The following AKT3 variants were observed in gnomAD, a reference collection of about 807,000 sequenced individuals.
The protein encoded by AKT3 is RAC-gamma serine/threonine-protein kinase.
A neutral mutation model predicts 65.3 loss-of-function variants in AKT3; 15 were observed. The ratio of observed to expected loss-of-function variants is 0.23; its 90% CI spans 0.15 to 0.35. The LOEUF is 0.35. Among genes scored for constraint, AKT3 ranks in the 10% least tolerant of loss-of-function variants. The probability of loss-of-function intolerance (pLI) is 1.00; values close to 1 mark genes in which losing one functional copy is unlikely to be tolerated. For synonymous variants in AKT3, 206 were observed against 183.8 expected, an observed-to-expected ratio of 1.12 and a Z score of -0.98; for missense variants, 243 against 576.5, an observed-to-expected ratio of 0.42 and a Z score of 5.92.
At chr1:243,785,626 T>G (rs1292408370) in intron 2 of AKT3, among the ~76,000 whole-genome samples, 1 of 152,200 alleles carries the variant, frequency 6.6e-6, no homozygotes, top group Non-Finnish European at 1.5e-5. Context: ...CAATCTTGGT[T>G]TCTCGTCCAT....
At chr1:243,656,835 T>C (rs1302101156) in intron 4 of AKT3, among the ~76,000 whole-genome samples, 3 of 152,186 alleles carry the variant, frequency 2.0e-5, no homozygotes, top group Non-Finnish European at 2.9e-5. Flanking sequence ...GAAAGAAAAA[T>C]GACCTTTGTC....
intron 1 of AKT3, among the ~76,000 whole-genome samples, chr1:243,849,159 T>C (rs974476485): frequency 6.6e-6 from 1 of 152,188 alleles, no homozygotes; most frequent in Non-Finnish European, 1.5e-5. Flanking sequence ...CCCACCGGCA[T>C]CATGGCTGAT....
chr1:243,541,427 C>CT (rs35766979), intron 12 of AKT3, among the ~76,000 whole-genome samples: 36 of 148,566 alleles, frequency 2.4e-4, no homozygotes, highest in Middle Eastern at 3.4e-3. Flanking sequence ...TAGGTCTTGC[C>CT]TTTTTTTTTT....
intron 2 of AKT3, chr1:243,814,574 C>G (rs1558837849): frequency 6.6e-6 from 1 of 152,112 alleles, no homozygotes; most frequent in Admixed American, 6.6e-5. Context: ...ATCCCATGAT[C>G]CTAACAATTC....
intron 2 of AKT3, among the ~76,000 whole-genome samples, chr1:243,697,189 C>T (rs1685112197): frequency 6.6e-6 from 1 of 151,854 alleles, no homozygotes; most frequent in Admixed American, 6.6e-5. Flanking sequence ...TAACAAATAA[C>T]ATATTTTTAT....
chr1:243,742,229 C>A (rs1688204643), intron 2 of AKT3, among the ~76,000 whole-genome samples: 1 of 152,224 alleles, frequency 6.6e-6, no homozygotes, highest in African/African-American at 2.4e-5. Flanking sequence ...ATATGCCTCT[C>A]TGATAGTTAC....
chr1:243,692,878 T>A (rs1369384196), intron 3 of AKT3, among the ~76,000 whole-genome samples: 2 of 152,060 alleles, frequency 1.3e-5, no homozygotes, highest in Admixed American at 1.3e-4. Context: ...GAACCTGAAA[T>A]GGTAAGAAAA....
intron 2 of AKT3, chr1:243,734,878 T>A (rs927879059): frequency 1.3e-5 from 2 of 152,236 alleles, no homozygotes; most frequent in Admixed American, 6.5e-5. Context: ...CCTTATTCCA[T>A]AAGCTTTTTT....
intron 9 of AKT3, among the ~76,000 whole-genome samples, chr1:243,570,807 T>G (rs537599648): frequency 3.9e-5 from 6 of 152,254 alleles, no homozygotes; most frequent in African/African-American, 1.4e-4. Flanking sequence ...GCTAACTATA[T>G]ACTTAGGTCT....
rs988695681 is a variant in AKT3, at chr1:243,565,417, G to A, written c.820-1569C>T. On this transcript the variant is annotated intron_variant, in intron 9 of 13. Transcript: ENST00000673466. ...TTCTTAATTTTTTTATAGTGACAAG[G>A]TCTCACTTTGCTGCCCAAGTTGGTC... 3.3e-5 allele frequency among the ~76,000 whole-genome samples: 5 copies of A among 152,070 alleles called. No homozygotes were observed. The East Asian group carries it at 9.6e-4, about 29-fold the overall frequency.
intron 2 of AKT3, among the ~76,000 whole-genome samples, chr1:243,826,110 C>T (rs1293095672): frequency 4.0e-5 from 6 of 150,848 alleles, no homozygotes; most frequent in African/African-American, 1.2e-4. Flanking sequence ...CCATCCTGGG[C>T]GACAGAGTGA....
At chr1:243,518,290 G>C (rs1360777008) in intron 12 of AKT3, among the ~76,000 whole-genome samples, 1 of 152,180 alleles carries the variant, frequency 6.6e-6, no homozygotes, top group Non-Finnish European at 1.5e-5. Context: ...GGGAAGCAAA[G>C]ACCCTACATT....
chr1:243,727,289 G>GTTGA (rs753057854), intron 2 of AKT3, among the ~76,000 whole-genome samples: 91 of 152,218 alleles, frequency 6.0e-4, no homozygotes, highest in East Asian at 1.5e-3. Context: ...AAGTAAGTTA[G>GTTGA]TTGATTGATT....
intron 12 of AKT3, among the ~76,000 whole-genome samples, chr1:243,531,171 G>A (rs1189366466): frequency 2.0e-5 from 3 of 152,100 alleles, no homozygotes; most frequent in Non-Finnish European, 4.4e-5. Flanking sequence ...GCTCATTGCA[G>A]CCTTGATCTC....
chr1:243,618,224 T>C (rs1035914378), intron 6 of AKT3, among the ~76,000 whole-genome samples: 11 of 152,084 alleles, frequency 7.2e-5, no homozygotes, highest in Non-Finnish European at 1.0e-4. Flanking sequence ...TAAAGACGTA[T>C]GGAGGCAAAA....
intron 2 of AKT3, among the ~76,000 whole-genome samples, chr1:243,785,368 G>A (rs1006355409): frequency 6.6e-6 from 1 of 151,756 alleles, no homozygotes; most frequent in African/African-American, 2.4e-5. Context: ...GTGAGCCACC[G>A]TGCCCAGCCC....
intron 2 of AKT3, among the ~76,000 whole-genome samples, chr1:243,739,080 G>A (rs1173611428): frequency 6.6e-6 from 1 of 152,038 alleles, no homozygotes; most frequent in Admixed American, 6.5e-5. Flanking sequence ...ACAGATCATG[G>A]TGATCTCTCA....
In AKT3 at chr1:243,502,589, C is replaced by A. The variant is rs1276667311; in HGVS notation, c.*2660G>T. 8.6e-6 allele frequency: 2 copies of A among 232,976 alleles called. No individual in the cohort carries two copies. Among genetic ancestry groups the A allele is most frequent in the Middle Eastern group, 1.2e-3 (1 of 808 alleles). The allele number at this position is 232,976 out of a possible 1,614,324, so 14.4% of individuals were successfully genotyped here. A position where few individuals can be genotyped will look rare whatever the true frequency, so the allele number is the denominator to read the frequency against. On this transcript the variant is annotated 3_prime_UTR_variant, in exon 14 of 14. Transcript: ENST00000673466. ...CCCAAAACTACAACTATGGGCGACACAAGGGAAGTTTTAGAAATCTCCCTC... is the reference window on the plus strand; with the variant it reads ...CCCAAAACTACAACTATGGGCGACAAAAGGGAAGTTTTAGAAATCTCCCTC...
chr1:243,646,140 G>A (rs1680788919), intron 4 of AKT3, 103 bp from the exon 5 acceptor site: 1 of 982,892 alleles, frequency 1.0e-6, no homozygotes, highest in Admixed American at 2.9e-5. Context: ...TCTATTCAGA[G>A]ATCAAACACA....
Sources: gnomAD v4.1 joint callset for allele counts (sites outside exome capture counted in the v4.1 genomes callset) on GRCh38, gnomAD v4.1.1 for gene constraint, MANE v1.5 for transcripts, NCBI Gene and HGNC (gene_info 2026-07-23, HGNC 2026-07-21) for gene names.